The following SVEP1 variants were observed in gnomAD, a reference collection of about 807,000 sequenced individuals.
SVEP1 encodes the protein sushi, von Willebrand factor type A, EGF and pentraxin domain-containing protein 1.
Under a neutral mutation model 367.3 loss-of-function variants are expected in SVEP1, and 164 were observed. The observed-to-expected ratio is 0.45, with a 90% CI of 0.39 to 0.51. The LOEUF (loss-of-function observed/expected upper bound fraction) is 0.51. Among genes scored for constraint, SVEP1 ranks in the 20% least tolerant of loss-of-function variants. SVEP1 has a pLI of 0.00. For missense variants in SVEP1, 4,117 were observed against 4,425.3 expected (o/e 0.93, Z 1.98); for synonymous variants, 1,666 against 1,611.6 (o/e 1.03, Z -0.81).
At chr9:110,527,134 T>C (rs781629519) in intron 3 of SVEP1, among the ~76,000 whole-genome samples, 1 of 152,076 alleles carries the variant, frequency 6.6e-6, no homozygotes, top group Non-Finnish European at 1.5e-5. Context: ...GATGTCAATA[T>C]CCTGTTTGAG....
intron 8 of SVEP1, among the ~76,000 whole-genome samples, chr9:110,491,998 AAGC>A (rs1829373339): frequency 6.6e-6 from 1 of 152,158 alleles, no homozygotes; most frequent in African/African-American, 2.4e-5. Flanking sequence ...GGAAGAAAAA[AAGC>A]AGATTATCTA....
chr9:110,366,772 A>G (rs1401694310), intron 47 of SVEP1, among the ~76,000 whole-genome samples: 1 of 152,212 alleles, frequency 6.6e-6, no homozygotes, highest in Non-Finnish European at 1.5e-5. Context: ...GAGAAGCATC[A>G]GACCTGAGTT....
intron 42 of SVEP1, 72 bp from the exon 43 acceptor site, chr9:110,386,146 T>A: frequency 6.6e-7 from 1 of 1,517,654 alleles, no homozygotes. Context: ...GAAGGTGGAG[T>A]AGTAGTCCTA....
chr9:110,477,664 T>C (rs887349092), intron 13 of SVEP1, among the ~76,000 whole-genome samples: 33 of 152,248 alleles, frequency 2.2e-4, no homozygotes, highest in African/African-American at 7.9e-4. Flanking sequence ...ACCCAGTACC[T>C]GGACCTATGC....
At chr9:110,514,255 T>C (rs1468356447) in intron 3 of SVEP1, 149 bp from the exon 4 acceptor site, 2 of 1,000,350 alleles carry the variant, frequency 2.0e-6, no homozygotes, top group Non-Finnish European at 3.0e-6. Flanking sequence ...CTCACGCCTG[T>C]AATCCCTGTA....
Position 110,375,459 on chromosome 9 carries a change from G to C in SVEP1, c.10509C>G (p.Ile3503Met). ...CTCCGTTCAGACAGGGAAGAATGCA[G>C]ATTGCTAAAAAAAAAAAAAAAAAAA... ...GWMGRLCEEPICILPCLNGGR... is the reference protein window; with the variant it reads ...GWMGRLCEEPMCILPCLNGGR... The change falls in exon 46 of 48, where the codon ATC becomes ATG. Residue 3503 changes from isoleucine (I) to methionine (M), a missense_variant. Transcript: ENST00000374469. The C allele has an allele frequency of 2.4e-6, 1 of 413,842 alleles. No homozygotes were observed. 25.6% of individuals were successfully genotyped at this position (413,842 alleles called of 1,614,324 possible). A position where few individuals can be genotyped will look rare whatever the true frequency, so the allele number is the denominator to read the frequency against.
intron 47 of SVEP1, among the ~76,000 whole-genome samples, chr9:110,367,095 GA>G (rs1827212582): frequency 6.6e-6 from 1 of 152,212 alleles, no homozygotes; most frequent in African/African-American, 2.4e-5. Flanking sequence ...TTCATGCCAG[GA>G]AATTGCTCCA....
chr9:110,413,935 A>G (rs1191243183), intron 36 of SVEP1, among the ~76,000 whole-genome samples: 2 of 152,026 alleles, frequency 1.3e-5, no homozygotes, highest in Non-Finnish European at 2.9e-5. Flanking sequence ...TCTTCATTGT[A>G]AGGAAATAAA....
At chr9:110,429,036 T>A (rs767396328) in intron 35 of SVEP1, 107 bp downstream of exon 35, 95 of 983,716 alleles carry the variant, frequency 9.7e-5, no homozygotes, top group Non-Finnish European at 1.3e-4. Flanking sequence ...GCCACTGCAC[T>A]CTAGCCTGAG....
intron 1 of SVEP1, among the ~76,000 whole-genome samples, chr9:110,567,170 T>C (rs1216716573): frequency 6.6e-6 from 1 of 152,182 alleles, no homozygotes; most frequent in Non-Finnish European, 1.5e-5. Flanking sequence ...TTCTAATGAA[T>C]ATCATTTTCT....
intron 1 of SVEP1, among the ~76,000 whole-genome samples, chr9:110,572,137 C>A (rs1830570568): frequency 6.6e-6 from 1 of 152,176 alleles, no homozygotes; most frequent in South Asian, 2.1e-4. Context: ...ACAAAAAGAC[C>A]AGGTGATAAA....
intron 1 of SVEP1, among the ~76,000 whole-genome samples, chr9:110,551,434 A>T (rs1246857608): frequency 1.3e-5 from 2 of 152,252 alleles, no homozygotes; most frequent in Non-Finnish European, 2.9e-5. Flanking sequence ...AAATTAAATG[A>T]AACTAACAAT....
At position 110,383,842 on chromosome 9, in the gene SVEP1, A is replaced by AG. The variant is rs1307244798; in HGVS notation, c.10237+2055dup. On this transcript the variant is annotated intron_variant, in intron 43 of 47. Transcript: ENST00000374469. The stretch of plus-strand genomic sequence containing the variant: ...CGCAGGGAGGTCCTGCTTAGCGAGG[A>AG]GGAAGGAGTCAGGGTCCAGCCTAAA... Among the ~76,000 whole-genome samples, 4 of 112,302 alleles carry AG rather than the reference A, an allele frequency of 3.6e-5. No homozygotes were observed. In the East Asian group the frequency reaches 9.5e-4, roughly 27 times the overall value. The allele number at this position is 112,302 out of a possible 152,430, so 73.7% of individuals were successfully genotyped here.
Position 110,459,088 on chromosome 9 carries a change from C to T in SVEP1, c.3348G>A (p.Ser1116=), listed in dbSNP as rs369614705. Residue 1116 remains serine, a synonymous_variant, in exon 19 of 48, where the codon TCG becomes TCA. Transcript: ENST00000374469. ...CGVPCPEGKF[S]RSGLMPCHPC... is the part of the protein sequence containing the mutation. ...GGTGACAGGGCATTAACCCAGAACGCGAGAATTTTCCTTCTGGACAAGGAA... is the reference window on the plus strand; with the variant it reads ...GGTGACAGGGCATTAACCCAGAACGTGAGAATTTTCCTTCTGGACAAGGAA... 55 of 1,613,540 alleles carry T rather than the reference C, an allele frequency of 3.4e-5. No individual in the cohort carries two copies. Among genetic ancestry groups the T allele is most frequent in the East Asian group, 1.1e-4 (5 of 44,874 alleles).
chr9:110,395,778 G>C (rs1180373661), intron 40 of SVEP1, among the ~76,000 whole-genome samples: 4 of 151,792 alleles, frequency 2.6e-5, no homozygotes, highest in African/African-American at 9.7e-5. Flanking sequence ...AATGGTAAAG[G>C]GATCAATTCA....
intron 1 of SVEP1, among the ~76,000 whole-genome samples, chr9:110,577,813 T>A (rs982438941): frequency 4.6e-5 from 7 of 151,990 alleles, no homozygotes; most frequent in African/African-American, 1.7e-4. Flanking sequence ...GCAAAAACTA[T>A]AAATATCAGA....
intron 18 of SVEP1, among the ~76,000 whole-genome samples, chr9:110,464,452 T>A (rs12344451): frequency 0.017 from 2,576 of 152,296 alleles, 76 homozygotes; most frequent in African/African-American, 0.059. Flanking sequence ...TTTCCTTTTC[T>A]CCCAATGCAC....
chr9:110,534,746 T>C (rs1830059551), intron 3 of SVEP1, among the ~76,000 whole-genome samples: 1 of 152,144 alleles, frequency 6.6e-6, no homozygotes, highest in South Asian at 2.1e-4. Context: ...TATCTCACTG[T>C]GGTTTGATTT....
intron 18 of SVEP1, among the ~76,000 whole-genome samples, chr9:110,460,283 T>C (rs1426408928): frequency 6.6e-6 from 1 of 152,114 alleles, no homozygotes; most frequent in Non-Finnish European, 1.5e-5. Context: ...AACTAATTGC[T>C]ACCTTTTGAA....
Sources: gnomAD v4.1 joint callset for allele counts (sites outside exome capture counted in the v4.1 genomes callset) on GRCh38, gnomAD v4.1.1 for gene constraint, MANE v1.5 for transcripts, NCBI Gene and HGNC (gene_info 2026-07-23, HGNC 2026-07-21) for gene names.